The following DLEU7 variants were observed in gnomAD, a reference collection of about 807,000 sequenced individuals.
The protein encoded by DLEU7 is deleted in lymphocytic leukemia 7, also known as leukemia-associated protein 7.
Under a neutral mutation model 16.0 loss-of-function variants are expected in DLEU7, and 17 were observed. The observed-to-expected ratio is 1.06, with a 90% CI of 0.73 to 1.59. The LOEUF (loss-of-function observed/expected upper bound fraction) is 1.59, where lower values mean the gene tolerates loss of function less well. DLEU7 is among the 40% of genes most tolerant of loss of function. The probability of loss-of-function intolerance (pLI) is 0.00; values close to 1 mark genes in which losing one functional copy is unlikely to be tolerated. For synonymous variants in DLEU7, 113 were observed against 139.8 expected, an observed-to-expected ratio of 0.81 and a Z score of 1.35; for missense variants, 308 against 314.9, an observed-to-expected ratio of 0.98 and a Z score of 0.17.
At chr13:50,808,959 T>C (rs371648768) in intron 1 of DLEU7, among the ~76,000 whole-genome samples, 3 of 151,010 alleles carry the variant, frequency 2.0e-5, no homozygotes, top group African/African-American at 7.3e-5. Flanking sequence ...TGTCCTGGGG[T>C]ACATTTAAAA....
chr13:50,765,538 T>C (rs1346765494), intron 1 of DLEU7, among the ~76,000 whole-genome samples: 1 of 151,902 alleles, frequency 6.6e-6, no homozygotes, highest in Non-Finnish European at 1.5e-5. Context: ...GGTCCTCTTC[T>C]GGCAATAATC....
At chr13:50,834,733 A>T (rs1328910451) in intron 1 of DLEU7, among the ~76,000 whole-genome samples, 1 of 152,222 alleles carries the variant, frequency 6.6e-6, no homozygotes, top group East Asian at 1.9e-4. Context: ...CTATAAACAC[A>T]CATGCACATG....
chr13:50,835,109 A>G (rs1877410770), intron 1 of DLEU7, among the ~76,000 whole-genome samples: 2 of 152,264 alleles, frequency 1.3e-5, no homozygotes, highest in Middle Eastern at 6.8e-3. Flanking sequence ...GGGTTGATGG[A>G]TGCAGCAAAC....
chr13:50,742,161 G>A (rs1185215675), intron 1 of DLEU7, among the ~76,000 whole-genome samples: 1 of 151,956 alleles, frequency 6.6e-6, no homozygotes, highest in Non-Finnish European at 1.5e-5. Flanking sequence ...GGGAAGTTTA[G>A]GTACAAGAGA....
chr13:50,788,029 G>A lies in DLEU7; in HGVS notation c.459+55159C>T, dbSNP rs116325639. On this transcript the variant is annotated intron_variant, in intron 1 of 1. Transcript: ENST00000400393. ...CACAGCTCTGTTCGTGGCACAGCAGGCGTTTCCCCAGCACCATAGGATTCT... is the reference window on the plus strand; with the variant it reads ...CACAGCTCTGTTCGTGGCACAGCAGACGTTTCCCCAGCACCATAGGATTCT... Among the ~76,000 whole-genome samples, 825 of 152,186 alleles carry A rather than the reference G, an allele frequency of 5.4e-3. 7 individuals carry two copies. Among genetic ancestry groups the A allele is most frequent in the African/African-American group, 0.018 (762 of 41,518 alleles).
chr13:50,829,573 T>C (rs1383723975), intron 1 of DLEU7, among the ~76,000 whole-genome samples: 1 of 152,194 alleles, frequency 6.6e-6, no homozygotes, highest in Non-Finnish European at 1.5e-5. Context: ...GGAAATTACA[T>C]GTACAATAAA....
At chr13:50,787,265 A>G (rs533539721) in intron 1 of DLEU7, among the ~76,000 whole-genome samples, 2 of 152,346 alleles carry the variant, frequency 1.3e-5, no homozygotes, top group South Asian at 2.1e-4. Context: ...GAGGGGATTT[A>G]AAACACAAAG....
At chr13:50,723,579 G>A (rs1312859202) in intron 1 of DLEU7, among the ~76,000 whole-genome samples, 1 of 152,092 alleles carries the variant, frequency 6.6e-6, no homozygotes, top group African/African-American at 2.4e-5. Context: ...TCTGGTGAGA[G>A]CGTCTTTGGT....
intron 1 of DLEU7, among the ~76,000 whole-genome samples, chr13:50,757,375 T>C (rs1874794286): frequency 6.6e-6 from 1 of 152,244 alleles, no homozygotes. Context: ...TTGACTTCAA[T>C]TAATCTTCTC....
intron 1 of DLEU7, among the ~76,000 whole-genome samples, chr13:50,825,475 C>A (rs1877055074): frequency 1.3e-5 from 2 of 152,086 alleles, no homozygotes; most frequent in South Asian, 4.2e-4. Flanking sequence ...TGGATGAATA[C>A]ATATTATTCT....
At chr13:50,820,567 A>T (rs993282093), downstream of DLEU7, among the ~76,000 whole-genome samples, 1 of 152,102 alleles carries the variant, frequency 6.6e-6, no homozygotes, top group Non-Finnish European at 1.5e-5. Context: ...GACGAGGAAC[A>T]TGCTCTTCTG....
At chr13:50,732,016 T>G (rs1873925772) in intron 1 of DLEU7, among the ~76,000 whole-genome samples, 1 of 152,228 alleles carries the variant, frequency 6.6e-6, no homozygotes, top group South Asian at 2.1e-4. Flanking sequence ...TATTCTACTC[T>G]GATATTTCAT....
intron 1 of DLEU7, among the ~76,000 whole-genome samples, chr13:50,810,113 G>A (rs1876520758): frequency 6.7e-6 from 1 of 149,414 alleles, no homozygotes; most frequent in South Asian, 2.1e-4. Flanking sequence ...GGATGTTGGG[G>A]AAAGAGAGGA....
chr13:50,775,424 T>C (rs1430231665), intron 1 of DLEU7, among the ~76,000 whole-genome samples: 1 of 152,240 alleles, frequency 6.6e-6, no homozygotes, highest in Non-Finnish European at 1.5e-5. Context: ...TTCAAGTCTG[T>C]CTAACTTATC....
downstream of DLEU7, among the ~76,000 whole-genome samples, chr13:50,821,426 T>C (rs769206466): frequency 5.9e-5 from 9 of 152,118 alleles, no homozygotes; most frequent in Non-Finnish European, 1.3e-4. Flanking sequence ...TACAAAGATG[T>C]CTAGATAATC....
chr13:50,714,941 G>A lies in DLEU7; in HGVS notation c.460-1701C>T, dbSNP rs568153572. On this transcript the variant is annotated intron_variant, in intron 1 of 1. Transcript: ENST00000400393. The stretch of plus-strand genomic sequence containing the variant: ...TGGTGTGTGGGCTTCAAGCCTCACA[G>A]GGCTGAAATCAAGGTGTTGGCCAGG... Among the ~76,000 whole-genome samples the A allele has an allele frequency of 3.3e-5, 5 of 152,312 alleles. No homozygotes were observed. In the South Asian group the frequency reaches 6.2e-4, roughly 19 times the overall value.
chr13:50,800,604 C>T (rs1295918278), intron 1 of DLEU7, among the ~76,000 whole-genome samples: 3 of 152,066 alleles, frequency 2.0e-5, no homozygotes, highest in Admixed American at 2.0e-4. Context: ...GGGGTTTTCC[C>T]GCACATTAAA....
chr13:50,750,845 T>G (rs949716014), intron 1 of DLEU7, among the ~76,000 whole-genome samples: 1 of 152,144 alleles, frequency 6.6e-6, no homozygotes, highest in African/African-American at 2.4e-5. Context: ...GGAGGAGTCT[T>G]TAGGGTTTTC....
rs1877549835 is a variant in DLEU7 at position 50,838,683 on chromosome 13, T to C, written c.459+4505A>G. On this transcript the variant is annotated intron_variant, in intron 1 of 1. Coordinates refer to ENST00000504404, the MANE Select transcript of DLEU7 (RefSeq NM_001306135.2). Reference sequence around the variant, plus strand: ...ACAGAGATCATCCAGTGTTATGGACTAAATTGTGTGGTCCCCTCATTCATA... The same window carrying C: ...ACAGAGATCATCCAGTGTTATGGACCAAATTGTGTGGTCCCCTCATTCATA... Among the ~76,000 whole-genome samples the C allele has an allele frequency of 2.0e-5, 3 of 152,350 alleles. No individual in the cohort carries two copies. In the South Asian group the frequency reaches 6.2e-4, roughly 32 times the overall value.
Sources: allele counts gnomAD v4.1 joint callset (sites outside exome capture counted in the v4.1 genomes callset), GRCh38; gene constraint gnomAD v4.1.1; transcripts MANE v1.5; gene names NCBI Gene and HGNC (gene_info 2026-07-23, HGNC 2026-07-21).